FAR2: variants seen among roughly 807,000 people sequenced by gnomAD.
The protein encoded by FAR2 is fatty acyl-CoA reductase 2, also known as epididymis secretory protein Li 81.
In FAR2, 19 loss-of-function variants were observed where a neutral mutation model predicts 56.0. The observed-to-expected ratio is 0.34, with a 90% CI of 0.24 to 0.50. FAR2 has a LOEUF of 0.50. FAR2 is among the 20% of genes least tolerant of loss of function. The pLI is 0.98. For synonymous variants in FAR2, 219 were observed against 218.8 expected (o/e 1.00, Z -0.01); for missense variants, 508 against 642.2 (o/e 0.79, Z 2.26).
chr12:29,232,720 T>C (rs950621120), intron 1 of FAR2, among the ~76,000 whole-genome samples: 6 of 152,158 alleles, frequency 3.9e-5, no homozygotes, highest in South Asian at 4.1e-4. Context: ...TAGTCTTTCA[T>C]AGTTTTGGCA....
intron 1 of FAR2, among the ~76,000 whole-genome samples, chr12:29,168,678 T>C (rs3858548): frequency 0.7 from 105,907 of 152,036 alleles, 37,629 homozygotes; most frequent in Non-Finnish European, 0.77. Flanking sequence ...TTGGTGGGTT[T>C]GTGGTCTCGC....
rs144536513 is a variant in FAR2, at chr12:29,269,498, G to A, written c.-38-914G>A. Among the ~76,000 whole-genome samples the A allele has an allele frequency of 9.9e-5, 15 of 152,214 alleles. No individual in the cohort carries two copies. The East Asian group carries it at 1.9e-3, about 20-fold the overall frequency. On this transcript the variant is annotated intron_variant, in intron 1 of 11. Coordinates refer to ENST00000536681, the MANE Select transcript of FAR2 (RefSeq NM_001271783.2). The stretch of plus-strand genomic sequence containing the variant: ...TGCAATTATTACAGGGTCCTGAGGC[G>A]ACATACATCCTCCTCAGCTGACAGG...
intron 1 of FAR2, among the ~76,000 whole-genome samples, chr12:29,244,967 C>T (rs958493927): frequency 1.3e-5 from 2 of 151,852 alleles, no homozygotes; most frequent in Admixed American, 1.3e-4. Flanking sequence ...CTGTAAAACA[C>T]GCCAGTTTCT....
chr12:29,240,721 G>A (rs1948015439), intron 1 of FAR2, among the ~76,000 whole-genome samples: 1 of 152,000 alleles, frequency 6.6e-6, no homozygotes, highest in African/African-American at 2.4e-5. Context: ...TTAATCACAG[G>A]CACAAGGTAT....
At chr12:29,227,994 G>A (rs1339190479) in intron 1 of FAR2, among the ~76,000 whole-genome samples, 2 of 152,018 alleles carry the variant, frequency 1.3e-5, no homozygotes, top group Non-Finnish European at 2.9e-5. Flanking sequence ...GGTGGGGGTA[G>A]GTGGGGAGAG....
chr12:29,248,639 GT>G (rs1215659136), intron 1 of FAR2, among the ~76,000 whole-genome samples: 27 of 152,322 alleles, frequency 1.8e-4, no homozygotes, highest in Middle Eastern at 3.4e-3. Context: ...AGGAGACAGG[GT>G]TTTGACAGCA....
intron 1 of FAR2, among the ~76,000 whole-genome samples, chr12:29,210,257 T>A (rs1251979620): frequency 2.0e-5 from 3 of 152,124 alleles, no homozygotes; most frequent in African/African-American, 7.2e-5. Flanking sequence ...TAATTCTGTT[T>A]TAGAAAAAAA....
In FAR2 at chr12:29,173,711, C is replaced by A. The variant is rs2136589887; in HGVS notation, c.-39+24304C>A. Among the ~76,000 whole-genome samples, 2 of 152,068 alleles carry A rather than the reference C, an allele frequency of 1.3e-5. 1 individual carries two copies. Among genetic ancestry groups the A allele is most frequent in the East Asian group, 3.9e-4 (2 of 5,176 alleles). Reference sequence around the variant, plus strand: ...CGGTTGATACCTGAGTGTTTCCCACCTGAAAGACAAAACCGTCCGCAGTTT... The same window carrying A: ...CGGTTGATACCTGAGTGTTTCCCACATGAAAGACAAAACCGTCCGCAGTTT... On this transcript the variant is annotated intron_variant, in intron 1 of 11. Transcript: ENST00000536681.
chr12:29,170,673 C>A (rs1403666973), intron 1 of FAR2, among the ~76,000 whole-genome samples: 1 of 151,596 alleles, frequency 6.6e-6, no homozygotes, highest in Non-Finnish European at 1.5e-5. Flanking sequence ...CCCTCTTTTT[C>A]TCTGTCTCTT....
chr12:29,193,218 T>A (rs1950116553), intron 1 of FAR2, among the ~76,000 whole-genome samples: 3 of 152,206 alleles, frequency 2.0e-5, no homozygotes, highest in Non-Finnish European at 4.4e-5. Flanking sequence ...GGTATATTTG[T>A]TATACTGGTG....
intron 1 of FAR2, among the ~76,000 whole-genome samples, chr12:29,196,485 T>G (rs955995624): frequency 6.6e-6 from 1 of 152,146 alleles, no homozygotes; most frequent in Non-Finnish European, 1.5e-5. Context: ...TGTGTATGTC[T>G]TCTTTTGAAA....
At chr12:29,318,060 A>G (rs937625440) in intron 9 of FAR2, among the ~76,000 whole-genome samples, 6 of 152,230 alleles carry the variant, frequency 3.9e-5, no homozygotes, top group African/African-American at 1.4e-4. Context: ...CAGAGGAGTC[A>G]TTGTTATAAT....
chr12:29,210,739 G>C (rs1250380970), intron 1 of FAR2, among the ~76,000 whole-genome samples: 1 of 152,118 alleles, frequency 6.6e-6, no homozygotes, highest in African/African-American at 2.4e-5. Flanking sequence ...AGATCATGAG[G>C]TCAGAAGTTT....
At chr12:29,226,570 G>C (rs1346179032) in intron 1 of FAR2, among the ~76,000 whole-genome samples, 3 of 152,164 alleles carry the variant, frequency 2.0e-5, no homozygotes, top group African/African-American at 7.2e-5. Context: ...TTATGGTGGT[G>C]AATCACTTCC....
intron 1 of FAR2, among the ~76,000 whole-genome samples, chr12:29,245,361 T>C (rs1948111177): frequency 6.6e-6 from 1 of 152,208 alleles, no homozygotes; most frequent in Non-Finnish European, 1.5e-5. Flanking sequence ...GTATGGCCTG[T>C]CATTTGCCTA....
At chr12:29,168,074 A>G (rs555288936) in intron 1 of FAR2, among the ~76,000 whole-genome samples, 1 of 152,338 alleles carries the variant, frequency 6.6e-6, no homozygotes, top group South Asian at 2.1e-4. Flanking sequence ...GATTCCAGAA[A>G]GTAGCAGAGG....
At chr12:29,255,358 C>A (rs1187983587) in intron 1 of FAR2, among the ~76,000 whole-genome samples, 2 of 152,164 alleles carry the variant, frequency 1.3e-5, no homozygotes, top group Admixed American at 6.5e-5. Context: ...ACCCTGGTGA[C>A]CTCATTTAAC....
At chr12:29,321,440 T>C (rs1467691630) in intron 9 of FAR2, among the ~76,000 whole-genome samples, 2 of 152,016 alleles carry the variant, frequency 1.3e-5, no homozygotes, top group Non-Finnish European at 2.9e-5. Flanking sequence ...AAAAGAAAGA[T>C]GAGAAAGTTT....
chr12:29,258,623 C>T (rs992989575), intron 1 of FAR2, among the ~76,000 whole-genome samples: 1 of 152,154 alleles, frequency 6.6e-6, no homozygotes, highest in Non-Finnish European at 1.5e-5. Flanking sequence ...TATGAGATGT[C>T]TCTCAACACA....
Sources: gnomAD v4.1 joint callset for allele counts (sites outside exome capture counted in the v4.1 genomes callset) on GRCh38, gnomAD v4.1.1 for gene constraint, MANE v1.5 for transcripts, NCBI Gene and HGNC (gene_info 2026-07-23, HGNC 2026-07-21) for gene names.